The following PLK2 variants were observed in gnomAD, a reference collection of about 807,000 sequenced individuals.
PLK2 encodes serine/threonine-protein kinase PLK2.
A neutral mutation model predicts 78.1 loss-of-function variants in PLK2; 25 were observed. The observed-to-expected ratio is 0.32, with a 90% CI of 0.23 to 0.45. The LOEUF (loss-of-function observed/expected upper bound fraction) is 0.45. Among genes scored for constraint, PLK2 ranks in the 20% least tolerant of loss-of-function variants. The pLI, the probability that PLK2 is intolerant of heterozygous loss-of-function variation, is 1.00. For missense variants in PLK2, 566 were observed against 840.2 expected (o/e 0.67, Z 4.04); for synonymous variants, 332 against 298.2 (o/e 1.11, Z -1.17).
At chr5:58,458,960 T>C in intron 2 of PLK2, 25 bp downstream of exon 2, 2 of 1,428,926 alleles carry the variant, frequency 1.4e-6, no homozygotes, top group Non-Finnish European at 9.9e-7. Flanking sequence ...ACAAAGAAAA[T>C]ACTTTACTCA....
rs1743539977 is a variant in PLK2, at chr5:58,454,230, C to T, written c.*353G>A. 1 of 180,220 alleles carries T rather than the reference C, an allele frequency of 5.5e-6. No individual in the cohort carries two copies. The highest frequency in any genetic ancestry group is 1.2e-5 in the Non-Finnish European group (1 of 86,778). 11.2% of individuals were successfully genotyped at this position (180,220 alleles called of 1,614,324 possible). ...TTTAAACAACATGGGAGCTTCCTCCCTTCTCCCTCCCCTTCAGGAAGTATA... is the reference window on the plus strand; with the variant it reads ...TTTAAACAACATGGGAGCTTCCTCCTTTCTCCCTCCCCTTCAGGAAGTATA... On this transcript the variant is annotated 3_prime_UTR_variant, in exon 14 of 14. Transcript: ENST00000274289.
In PLK2 at chr5:58,455,736, T is replaced by C; in HGVS notation, c.1428A>G (p.Ala476=). 2 of 1,614,096 alleles carry C rather than the reference T, an allele frequency of 1.2e-6. No homozygotes were observed. Among genetic ancestry groups the C allele is most frequent in the South Asian group, 1.1e-5 (1 of 91,084 alleles). Residue 476 remains alanine, a synonymous_variant, in exon 11 of 14, where the codon GCA becomes GCG. Transcript: ENST00000274289. Reference sequence around the variant, plus strand: ...TTTCCAGACATCCCCGAAGAACCCTTGCCACTGTGTCTGCAACACTTCCCA... The same window carrying C: ...TTTCCAGACATCCCCGAAGAACCCTCGCCACTGTGTCTGCAACACTTCCCA... ...STMGSVADTV[A]RVLRGCLENM...
Position 58,458,077 on chromosome 5 carries a change from C to G in PLK2, c.713+7G>C, listed in dbSNP as rs1743655343. The G allele has an allele frequency of 1.3e-6, 2 of 1,595,678 alleles. No homozygotes were observed. The highest frequency in any genetic ancestry group is 1.7e-6 in the Non-Finnish European group (2 of 1,163,300). On this transcript the variant is annotated splice_region_variant and intron_variant, in intron 5 of 13. Transcript: ENST00000274289. ...AGTCTACTAGGATGCATCTTTCTGACTCTTACCTCCTTCTGTGTTCCAAGG... is the reference window on the plus strand; with the variant it reads ...AGTCTACTAGGATGCATCTTTCTGAGTCTTACCTCCTTCTGTGTTCCAAGG...
rs576876071 is a variant in PLK2, at chr5:58,456,561, G to A, written c.1185C>T (p.Ile395=). 4 of 1,606,770 alleles carry A rather than the reference G, an allele frequency of 2.5e-6. No individual in the cohort carries two copies. The highest frequency in any genetic ancestry group is 2.7e-5 in the African/African-American group (2 of 74,836). The change falls in exon 9 of 14, where the codon ATC becomes ATT. Residue 395 remains isoleucine, a synonymous_variant. Coordinates refer to ENST00000274289, the MANE Select transcript of PLK2 (RefSeq NM_006622.4). The part of the protein sequence containing the change: ...HNRVSKEDED[I]YKLRHDLKKT... ...TTTTCAAATCATGCCTAAGCTTGTAGATGTCTTCATCTTCTTTAGACACTC... is the reference window on the plus strand; with the variant it reads ...TTTTCAAATCATGCCTAAGCTTGTAAATGTCTTCATCTTCTTTAGACACTC...
chr5:58,458,468 G>A lies in PLK2; in HGVS notation c.556C>T (p.Leu186Phe). 1 of 1,611,012 alleles carries A rather than the reference G, an allele frequency of 6.2e-7. No homozygotes were observed. The highest frequency in any genetic ancestry group is 1.3e-5 in the African/African-American group (1 of 74,986). ...VLTEPEVRYY[L>F]RQIVSGLKYL... The stretch of plus-strand genomic sequence containing the variant: ...TTCAGTCCAGACACAATCTGCCTGA[G>A]GTAGTATCGAACTTCTGGCTCTGTC... The change falls in exon 4 of 14, where the codon CTC (leucine) becomes TTC (phenylalanine). Residue 186 changes from leucine (L) to phenylalanine (F), a missense_variant. This residue lies in a region of PLK2 where 179 missense variants were observed against 342.3 expected (regional missense o/e 0.52). Transcript: ENST00000274289.
chr5:58,457,280 C>T lies in PLK2; in HGVS notation c.909G>A (p.Leu303=). 2 of 1,613,692 alleles carry T rather than the reference C, an allele frequency of 1.2e-6. No individual in the cohort carries two copies. The highest frequency in any genetic ancestry group is 8.5e-7 in the Non-Finnish European group (1 of 1,179,704). The change falls in exon 7 of 14, where the codon TTG becomes TTA. Residue 303 remains leucine, a synonymous_variant. Coordinates refer to ENST00000274289, the MANE Select transcript of PLK2 (RefSeq NM_006622.4). The part of the protein sequence containing the change: ...REARYTMPSS[L]LAPAKHLIAS... Reference sequence around the variant, plus strand: ...CAATTAAGTGCTTGGCAGGAGCCAGCAATGAGGACGGCATTGTATACCTTG... The same window carrying T: ...CAATTAAGTGCTTGGCAGGAGCCAGTAATGAGGACGGCATTGTATACCTTG...
At chr5:58,455,256 TG>T in intron 12 of PLK2, 28 bp downstream of exon 12, 1 of 1,612,448 alleles carries the variant, frequency 6.2e-7, no homozygotes, top group Non-Finnish European at 8.5e-7. Context: ...ACACTTCAAA[TG>T]TCACCACTCT....
Position 58,456,051 on chromosome 5 carries a change from A to G in PLK2, c.1359T>C (p.Leu453=). Residue 453 remains leucine, a synonymous_variant, in exon 10 of 14, where the codon CTT becomes CTC. Transcript: ENST00000274289. The stretch of plus-strand genomic sequence containing the variant: ...ATTCACTGCTGCTGCTACAGCTGCC[A>G]AGAGTCCCTCTGACTATCATCCGAA... ...DAIRMIVRGT[L]GSCSSSSECL... 1 of 1,613,500 alleles carries G rather than the reference A, an allele frequency of 6.2e-7. No individual in the cohort carries two copies. Among genetic ancestry groups the G allele is most frequent in the Non-Finnish European group, 8.5e-7 (1 of 1,179,822 alleles).
intron 4 of PLK2, 84 bp downstream of exon 4, chr5:58,458,315 T>C: frequency 6.8e-7 from 1 of 1,467,824 alleles, no homozygotes; most frequent in Non-Finnish European, 9.5e-7. Flanking sequence ...GAGATCCCAA[T>C]TAAGAACATT....
chr5:58,456,309 T>C (rs1045770583), intron 9 of PLK2, 154 bp from the exon 10 acceptor site: 1 of 789,490 alleles, frequency 1.3e-6, no homozygotes, highest in African/African-American at 1.7e-5. Context: ...GTAAACTCAC[T>C]TGCATGCACT....
chr5:58,457,978 G>T, intron 5 of PLK2, 106 bp downstream of exon 5: 2 of 778,984 alleles, frequency 2.6e-6, no homozygotes, highest in Admixed American at 2.0e-5. Flanking sequence ...ACATTGCTAT[G>T]ATTTATAGAT....
In PLK2 at chr5:58,457,015, A is replaced by G. The variant is rs570470051; in HGVS notation, c.1086T>C (p.Asn362=). ...PDFHLSSPAK[N]FFKKAAAALF... ...GAGCAGCAGCTGCTTTCTTAAAGAA[A>G]TTCTTAGCTGGGCTTGATAAGTGGA... The change falls in exon 8 of 14, where the codon AAT becomes AAC. Residue 362 remains asparagine, a synonymous_variant. Transcript: ENST00000274289. The G allele has an allele frequency of 8.7e-6, 14 of 1,613,628 alleles. No homozygotes were observed. The highest frequency in any genetic ancestry group is 1.6e-4 in the Middle Eastern group (1 of 6,062).
chr5:58,459,590 C>A (rs1743700410), intron 1 of PLK2, 100 bp downstream of exon 1: 3 of 1,101,252 alleles, frequency 2.7e-6, no homozygotes, highest in South Asian at 1.6e-5. Flanking sequence ...CCCGAAAAAC[C>A]CGGAAGCGGC....
chr5:58,457,646 T>C, intron 5 of PLK2, 63 bp from the exon 6 acceptor site: 2 of 902,568 alleles, frequency 2.2e-6, no homozygotes, highest in Non-Finnish European at 3.7e-6. Context: ...TTGGTTCTCT[T>C]GACATGACTT....
In PLK2 at chr5:58,456,091, T is replaced by C; in HGVS notation, c.1319A>G (p.Gln440Arg). 6.2e-7 allele frequency: 1 copy of C among 1,614,026 alleles called. No homozygotes were observed. The highest frequency in any genetic ancestry group is 8.5e-7 in the Non-Finnish European group (1 of 1,179,932). Residue 440 changes from glutamine to arginine, a missense_variant, in exon 10 of 14, where the codon CAG (glutamine) becomes CGG (arginine). Around this residue, in one of 5 missense-constraint regions of PLK2, gnomAD observed 129 missense variants for 156.0 expected, o/e 0.83. Transcript: ENST00000274289. ...SGTPAVENKQ[Q>R]IGDAIRMIVR... ...TATCATCCGAATAGCATCCCCAATC[T>C]GCTGCTTGTTTTCTACTGCGGGTGT...
In PLK2 at chr5:58,457,398, A is replaced by T. The variant is rs1218865271; in HGVS notation, c.810-19T>A. 1.3e-6 allele frequency: 2 copies of T among 1,592,668 alleles called. No homozygotes were observed. The highest frequency in any genetic ancestry group is 1.7e-6 in the Non-Finnish European group (2 of 1,160,464). Reference sequence around the variant, plus strand: ...TGTATACCTGTGTGCAAAGAAACACATCTTTAGCAATGGTCATAAAGCAAC... The same window carrying T: ...TGTATACCTGTGTGCAAAGAAACACTTCTTTAGCAATGGTCATAAAGCAAC... On this transcript the variant is annotated intron_variant, in intron 6 of 13. Transcript: ENST00000274289.
At chr5:58,456,915 GA>G in intron 8 of PLK2, 29 bp downstream of exon 8, 2 of 1,461,940 alleles carry the variant, frequency 1.4e-6, no homozygotes, top group Non-Finnish European at 1.9e-6. Flanking sequence ...TATTGGGTAC[GA>G]AAAAGGAAAA....
intron 9 of PLK2, 48 bp from the exon 10 acceptor site, chr5:58,456,203 T>C: frequency 1.3e-6 from 2 of 1,568,144 alleles, no homozygotes; most frequent in Non-Finnish European, 1.7e-6. Context: ...CTAAATTCAT[T>C]TAAGGGTGAG....
At chr5:58,457,405 GC>G in intron 6 of PLK2, 26 bp from the exon 7 acceptor site, 1 of 1,588,576 alleles carries the variant, frequency 6.3e-7, no homozygotes, top group Non-Finnish European at 8.6e-7. Context: ...CACATCTTTA[GC>G]AATGGTCATA....
Sources: gnomAD v4.1 joint callset for allele counts on GRCh38, gnomAD v4.1.1 for gene constraint, gnomAD v4.1.1 regional missense constraint, MANE v1.5 for transcripts, NCBI Gene and HGNC (gene_info 2026-07-23, HGNC 2026-07-21) for gene names.